ARL17B: variants seen among roughly 807,000 people sequenced by gnomAD.
ARL17B encodes the protein ADP-ribosylation factor-like protein 17.
At chr17:46,287,934 G>C (rs2049962607) in intron 4 of ARL17B, among the ~76,000 whole-genome samples, 1 of 152,316 alleles carries the variant, frequency 6.6e-6, no homozygotes. Flanking sequence ...GTGTTGATAG[G>C]CACAGTGTAG....
chr17:46,279,825 T>C (rs1361688560), intron 4 of ARL17B, among the ~76,000 whole-genome samples: 3 of 152,210 alleles, frequency 2.0e-5, no homozygotes, highest in Non-Finnish European at 2.9e-5. Context: ...TTTTTGTTTT[T>C]AGTGGCGTTT....
Position 46,282,188 on chromosome 17 carries a change from T to C in ARL17B, c.*22-6770A>G, listed in dbSNP as rs1135140. Among the ~76,000 whole-genome samples, 168 of 122,094 alleles carry C rather than the reference T, an allele frequency of 1.4e-3. 1 individual carries two copies. Among genetic ancestry groups the C allele is most frequent in the Non-Finnish European group, 2.2e-3 (106 of 47,770 alleles). The allele number at this position is 122,094 out of a possible 152,430, so 80.1% of individuals were successfully genotyped here. On this transcript the variant is annotated intron_variant, in intron 4 of 4. Transcript: ENST00000570618. Reference sequence around the variant, plus strand: ...CGCAATCTCGGCTCACTGCAAGCTCTGTCTCCCGGGTTCATGCCATTCTCC... The same window carrying C: ...CGCAATCTCGGCTCACTGCAAGCTCCGTCTCCCGGGTTCATGCCATTCTCC...
intron 4 of ARL17B, among the ~76,000 whole-genome samples, chr17:46,283,140 G>A (rs1368920651): frequency 6.6e-6 from 1 of 152,056 alleles, no homozygotes; most frequent in South Asian, 2.1e-4. Context: ...TAAAATAACC[G>A]AGTATGCACA....
downstream of ARL17B, chr17:46,330,985 G>A (rs759114190): frequency 2.1e-5 from 15 of 723,152 alleles, 2 homozygotes; most frequent in East Asian, 1.0e-4. Flanking sequence ...CCAAGCCTTC[G>A]TTCACCCAAG....
chr17:46,326,192 A>G (rs1355597357), intron 3 of ARL17B, among the ~76,000 whole-genome samples: 1 of 17,610 alleles, frequency 5.7e-5, no homozygotes, highest in Admixed American at 5.4e-4. Flanking sequence ...AGCACAGGAG[A>G]CAGAGGCTGC....
intron 3 of ARL17B, among the ~76,000 whole-genome samples, chr17:46,340,407 G>A (rs1267888399): frequency 1.5e-5 from 1 of 65,576 alleles, no homozygotes; most frequent in East Asian, 2.6e-4. Context: ...GTAGAGATGG[G>A]GTTTCACCAT....
intron 4 of ARL17B, among the ~76,000 whole-genome samples, chr17:46,283,471 A>G (rs2049824650): frequency 6.6e-6 from 1 of 152,258 alleles, no homozygotes; most frequent in Non-Finnish European, 1.5e-5. Context: ...GAGTCACTAC[A>G]TCAATGAACC....
At chr17:46,275,421 A>G in intron 4 of ARL17B, 1 of 954,292 alleles carries the variant, frequency 1.0e-6, no homozygotes, top group Non-Finnish European at 1.6e-6. Context: ...TGTGAGACCT[A>G]CAGAGTATAG....
chr17:46,290,644 G>C (rs1409586005), intron 4 of ARL17B, among the ~76,000 whole-genome samples: 1 of 152,044 alleles, frequency 6.6e-6, no homozygotes, highest in Non-Finnish European at 1.5e-5. Flanking sequence ...ACGGGGTTTC[G>C]CCCTGTTAGC....
intron 4 of ARL17B, among the ~76,000 whole-genome samples, chr17:46,286,342 A>G (rs2049910104): frequency 6.6e-6 from 1 of 152,264 alleles, no homozygotes; most frequent in African/African-American, 2.4e-5. Flanking sequence ...GAAACATTCA[A>G]TTGATTTTAA....
chr17:46,355,832 GGGGTTTCACCATGTT>G (rs2052892069), intron 2 of ARL17B, among the ~76,000 whole-genome samples: 1 of 38,632 alleles, frequency 2.6e-5, no homozygotes, highest in Non-Finnish European at 4.7e-5. Flanking sequence ...TAGTAGAGAC[GGGGTTTCACCATGTT>G]GGCCAGGCTG....
intron 4 of ARL17B, among the ~76,000 whole-genome samples, chr17:46,291,988 G>T (rs1178868586): frequency 2.3e-5 from 1 of 43,326 alleles, no homozygotes; most frequent in East Asian, 4.6e-4. Flanking sequence ...AAAAAAAAAA[G>T]CCAATAAAAT....
At chr17:46,350,409 T>G (rs2052696737) in intron 3 of ARL17B, among the ~76,000 whole-genome samples, 1 of 79,274 alleles carries the variant, frequency 1.3e-5, no homozygotes, top group Admixed American at 1.3e-4. Flanking sequence ...GGAAGAATAC[T>G]TATGAAGTAT....
chr17:46,316,589 C>T (rs1446070447), intron 3 of ARL17B, among the ~76,000 whole-genome samples: 1 of 70,370 alleles, frequency 1.4e-5, no homozygotes, highest in African/African-American at 3.6e-5. Flanking sequence ...GCATGCACCA[C>T]CATGCCCAGT....
At chr17:46,280,287 G>A (rs1213070626) in intron 4 of ARL17B, among the ~76,000 whole-genome samples, 9 of 152,124 alleles carry the variant, frequency 5.9e-5, no homozygotes, top group Admixed American at 2.6e-4. Flanking sequence ...TCGCTTGAAC[G>A]CGGGAAGCGG....
At chr17:46,279,127 T>C (rs1467381888) in intron 4 of ARL17B, among the ~76,000 whole-genome samples, 1 of 152,114 alleles carries the variant, frequency 6.6e-6, no homozygotes, top group Non-Finnish European at 1.5e-5. Flanking sequence ...ATTACGACAA[T>C]GTAAATATTT....
intron 4 of ARL17B, among the ~76,000 whole-genome samples, chr17:46,282,899 A>G (rs1211362418): frequency 6.6e-6 from 1 of 152,198 alleles, no homozygotes; most frequent in Non-Finnish European, 1.5e-5. Flanking sequence ...CGAGCGGATC[A>G]CCTGAGGTCA....
chr17:46,314,691 C>T (rs2050975631), intron 3 of ARL17B, among the ~76,000 whole-genome samples: 2 of 76,272 alleles, frequency 2.6e-5, no homozygotes, highest in African/African-American at 6.7e-5. Context: ...TTTGGAGAAT[C>T]ATGCTATTAT....
At chr17:46,275,354 GT>G in exon 5 of ARL17B, 2 of 982,882 alleles carry the variant, frequency 2.0e-6, no homozygotes, top group Non-Finnish European at 3.0e-6. Context: ...TTCTTGCTGT[GT>G]TTTATGTTAG....
Sources: allele counts gnomAD v4.1 joint callset (sites outside exome capture counted in the v4.1 genomes callset), GRCh38; gene constraint gnomAD v4.1.1; transcripts MANE v1.5; gene names NCBI Gene and HGNC (gene_info 2026-07-23, HGNC 2026-07-21).